The following RNF168 variants were observed in gnomAD, a reference collection of about 807,000 sequenced individuals.
RNF168 encodes the protein E3 ubiquitin-protein ligase RNF168.
Under a neutral mutation model 34.9 loss-of-function variants are expected in RNF168, and 34 were observed. The ratio of observed to expected loss-of-function variants is 0.97; its 90% CI spans 0.74 to 1.30. The LOEUF is 1.30. Among genes scored for constraint, RNF168 ranks in the 50% most tolerant of loss-of-function variants. The pLI is 0.00. For synonymous variants in RNF168, 264 were observed against 254.7 expected, an observed-to-expected ratio of 1.04 and a Z score of -0.35; for missense variants, 725 against 682.5, an observed-to-expected ratio of 1.06 and a Z score of -0.69.
In RNF168 at chr3:196,469,516, C is replaced by G. The variant is rs1560263797; in HGVS notation, c.*2303G>C. On this transcript the variant is annotated 3_prime_UTR_variant, in exon 6 of 6. Coordinates refer to ENST00000318037, the MANE Select transcript of RNF168 (RefSeq NM_152617.4). ...ACTGGCAAATTTAAGCTAGAATTAG[C>G]TCCAGGACATTTTATCTTATTTTCA... The G allele has an allele frequency of 6.6e-6, 1 of 152,100 alleles. No individual in the cohort carries two copies. Among genetic ancestry groups the G allele is most frequent in the Admixed American group, 6.6e-5 (1 of 15,248 alleles). 9.4% of individuals were successfully genotyped at this position (152,100 alleles called of 1,614,324 possible).
intron 1 of RNF168, among the ~76,000 whole-genome samples, chr3:196,502,077 A>AG (rs1732906442): frequency 6.8e-6 from 1 of 147,506 alleles, no homozygotes; most frequent in African/African-American, 2.5e-5. Context: ...AAAAAAAAAA[A>AG]AAAAGACCTG....
At chr3:196,501,918 T>C (rs73219649) in intron 1 of RNF168, among the ~76,000 whole-genome samples, 9,814 of 152,084 alleles carry the variant, frequency 0.065, 377 homozygotes, top group Middle Eastern at 0.2. Context: ...AGGTGAATTG[T>C]ATGGTCTGCG....
intron 1 of RNF168, among the ~76,000 whole-genome samples, chr3:196,496,788 G>A (rs904341040): frequency 6.6e-5 from 10 of 152,314 alleles, no homozygotes; most frequent in African/African-American, 2.4e-4. Context: ...AGGACTGCTT[G>A]AGGTGAGCTG....
intron 3 of RNF168, among the ~76,000 whole-genome samples, chr3:196,484,121 A>G (rs959389513): frequency 2.0e-5 from 3 of 151,904 alleles, no homozygotes; most frequent in Non-Finnish European, 1.5e-5. Context: ...GCACAAAATA[A>G]GGCATAATAC....
At chr3:196,492,165 GA>G (rs1029257408) in intron 1 of RNF168, among the ~76,000 whole-genome samples, 13 of 152,078 alleles carry the variant, frequency 8.5e-5, no homozygotes, top group African/African-American at 3.1e-4. Flanking sequence ...AATAAAACTG[GA>G]AAAAAAGTAA....
chr3:196,483,748 A>C (rs762707501), intron 4 of RNF168, 22 bp downstream of exon 4: 19 of 1,602,284 alleles, frequency 1.2e-5, no homozygotes, highest in Non-Finnish European at 1.6e-5. Context: ...TCAACAAATA[A>C]TTCATAGTCA....
At chr3:196,476,004 C>T (rs1055410102) in intron 4 of RNF168, among the ~76,000 whole-genome samples, 2 of 151,792 alleles carry the variant, frequency 1.3e-5, no homozygotes, top group South Asian at 2.1e-4. Flanking sequence ...GGATTACAGG[C>T]GCCCGCCACC....
chr3:196,502,769 G>C, intron 1 of RNF168, 104 bp downstream of exon 1: 2 of 972,078 alleles, frequency 2.1e-6, no homozygotes, highest in Non-Finnish European at 1.6e-6. Flanking sequence ...ACAAATACTA[G>C]TCGGGTTTTT....
intron 4 of RNF168, among the ~76,000 whole-genome samples, chr3:196,478,798 C>A (rs1176148542): frequency 6.7e-6 from 1 of 149,826 alleles, no homozygotes; most frequent in African/African-American, 2.5e-5. Flanking sequence ...TCCCAAGTAG[C>A]TGGGATTACA....
At position 196,472,783 on chromosome 3, in the gene RNF168, C is replaced by G. The variant is rs375466986; in HGVS notation, c.763-11G>C. ...ACTACTGTCAATGTCCTGTAGAAAA[C>G]AGAAAAAGACTGAGTGAACCAGGGG... On this transcript the variant is annotated splice_polypyrimidine_tract_variant and intron_variant, in intron 5 of 5. Coordinates refer to ENST00000318037, the MANE Select transcript of RNF168 (RefSeq NM_152617.4). 77 of 1,525,682 alleles carry G rather than the reference C, an allele frequency of 5.0e-5. No individual in the cohort carries two copies. The highest frequency in any genetic ancestry group is 6.9e-5 in the Non-Finnish European group (76 of 1,100,876). 94.5% of individuals were successfully genotyped at this position (1,525,682 alleles called of 1,614,324 possible). A position where few individuals can be genotyped will look rare whatever the true frequency, so the allele number is the denominator to read the frequency against.
chr3:196,500,456 G>C (rs1560277722), intron 1 of RNF168, among the ~76,000 whole-genome samples: 2 of 152,146 alleles, frequency 1.3e-5, no homozygotes, highest in Non-Finnish European at 2.9e-5. Context: ...GAAGCAGTCG[G>C]GTTCACAGAA....
chr3:196,495,443 C>T (rs1488022557), intron 1 of RNF168, among the ~76,000 whole-genome samples: 1 of 152,194 alleles, frequency 6.6e-6, no homozygotes, highest in East Asian at 1.9e-4. Context: ...AGCTGTCATT[C>T]TCTTTTAATC....
At chr3:196,500,564 G>A (rs1732854953) in intron 1 of RNF168, among the ~76,000 whole-genome samples, 1 of 152,192 alleles carries the variant, frequency 6.6e-6, no homozygotes, top group South Asian at 2.1e-4. Flanking sequence ...AAAAAGTTCT[G>A]GAGATGGACG....
At chr3:196,484,172 T>C (rs74923942) in intron 3 of RNF168, among the ~76,000 whole-genome samples, 1 of 25,890 alleles carries the variant, frequency 3.9e-5, no homozygotes, top group South Asian at 1.1e-3. Context: ...CTTTCTTTCC[T>C]TTTTTTTTTT....
At chr3:196,482,001 T>C (rs1044803012) in intron 4 of RNF168, among the ~76,000 whole-genome samples, 4 of 149,010 alleles carry the variant, frequency 2.7e-5, no homozygotes, top group Non-Finnish European at 5.9e-5. Flanking sequence ...GATCTTGCTA[T>C]GCTGTCCAAG....
chr3:196,472,322 C>T lies in RNF168; in HGVS notation c.1213G>A (p.Ala405Thr), dbSNP rs1732028084. 7 of 1,613,816 alleles carry T rather than the reference C, an allele frequency of 4.3e-6. No homozygotes were observed. The highest frequency in any genetic ancestry group is 5.9e-6 in the Non-Finnish European group (7 of 1,179,890). Reference protein sequence around the residue: ...FEAVKDPCFSAKRRKVSPESS... With the variant: ...FEAVKDPCFSTKRRKVSPESS... Reference sequence around the variant, plus strand: ...TCGGGGGACACTTTTCTTCTTTTTGCAGAAAAGCATGGATCCTTGACTGCT... The same window carrying T: ...TCGGGGGACACTTTTCTTCTTTTTGTAGAAAAGCATGGATCCTTGACTGCT... Residue 405 changes from alanine to threonine, a missense_variant, in exon 6 of 6, where the codon GCA becomes ACA. Physicochemically the swap from Ala to Thr is moderately conservative, Grantham distance 58. Transcript: ENST00000318037.
chr3:196,500,650 C>T (rs1454169109), intron 1 of RNF168, among the ~76,000 whole-genome samples: 1 of 152,132 alleles, frequency 6.6e-6, no homozygotes, highest in Admixed American at 6.5e-5. Flanking sequence ...TAAAATTTTC[C>T]TCCCTTCTTT....
intron 1 of RNF168, among the ~76,000 whole-genome samples, chr3:196,498,834 A>C (rs1732811820): frequency 6.6e-6 from 1 of 151,964 alleles, no homozygotes; most frequent in South Asian, 2.1e-4. Context: ...ATCTCTACTA[A>C]AAATACAAAA....
rs371121349 is a variant in RNF168 at position 196,480,058 on chromosome 3, T to G, written c.680+3712A>C. 1.4e-3 allele frequency among the ~76,000 whole-genome samples: 120 copies of G among 85,744 alleles called. 1 individual carries two copies. The highest frequency in any genetic ancestry group is 6.1e-3 in the African/African-American group (104 of 16,920). 56.3% of individuals were successfully genotyped at this position (85,744 alleles called of 152,430 possible). On this transcript the variant is annotated intron_variant, in intron 4 of 5. Transcript: ENST00000318037. ...GGGAAAGGGCACAAGCAAACCTTTG[T>G]AAATATTCCGTCTTCATCTGGTGGG...
Sources: gnomAD v4.1 joint callset for allele counts (sites outside exome capture counted in the v4.1 genomes callset) on GRCh38, gnomAD v4.1.1 for gene constraint, MANE v1.5 for transcripts, NCBI Gene and HGNC (gene_info 2026-07-23, HGNC 2026-07-21) for gene names.